Variants in NAV2 observed in about 807,000 individuals in gnomAD.
NAV2 encodes helicase, APC down-regulated 1.
NAV2 carries 54 observed loss-of-function variants against 223.2 expected under a neutral mutation model. The ratio of observed to expected loss-of-function variants is 0.24; its 90% CI spans 0.19 to 0.30. The LOEUF is 0.30. NAV2 is among the 10% of genes least tolerant of loss of function. NAV2 has a pLI of 1.00. For synonymous variants in NAV2, 1,279 were observed against 1,239.3 expected (o/e 1.03, Z -0.67); for missense variants, 2,806 against 3,147.5 (o/e 0.89, Z 2.60).
rs1342355979 is a variant in NAV2, at chr11:19,621,983, AT to A, written c.76-210500del. Among the ~76,000 whole-genome samples the A allele has an allele frequency of 5.9e-5, 9 of 152,338 alleles. No homozygotes were observed. The East Asian group carries it at 1.7e-3, about 29-fold the overall frequency. On this transcript the variant is annotated intron_variant, in intron 1 of 37. Coordinates refer to the NAV2 transcript ENST00000360655. The stretch of plus-strand genomic sequence containing the variant: ...TTTGTTCTCATTGGTTTCAAAGAAC[AT>A]CTTTATCTCTGCCTTCATTTCGTTA...
At chr11:19,479,079 G>A (rs1195159132) in intron 1 of NAV2, among the ~76,000 whole-genome samples, 2 of 152,252 alleles carry the variant, frequency 1.3e-5, no homozygotes, top group South Asian at 2.1e-4. Flanking sequence ...CTGGAGGGTC[G>A]CTGTGAGTTG....
chr11:19,738,846 C>A (rs894456751), intron 1 of NAV2, among the ~76,000 whole-genome samples: 1 of 152,152 alleles, frequency 6.6e-6, no homozygotes, highest in Admixed American at 6.5e-5. Flanking sequence ...GAGCTCAGAA[C>A]CTCCCTTGGA....
At chr11:19,603,352 G>A (rs1351293399) in intron 1 of NAV2, among the ~76,000 whole-genome samples, 1 of 152,140 alleles carries the variant, frequency 6.6e-6, no homozygotes, top group Admixed American at 6.5e-5. Context: ...AGAGGGCCAG[G>A]CACAGTGGCT....
chr11:20,080,686 A>G (rs1351964048), intron 25 of NAV2, among the ~76,000 whole-genome samples: 1 of 152,206 alleles, frequency 6.6e-6, no homozygotes, highest in Non-Finnish European at 1.5e-5. Context: ...CTTTTTGACC[A>G]TGTCCTATAA....
chr11:19,361,388 G>A (rs1371533023), intron 1 of NAV2, among the ~76,000 whole-genome samples: 1 of 152,064 alleles, frequency 6.6e-6, no homozygotes, highest in African/African-American at 2.4e-5. Context: ...AGGCATGACT[G>A]GGTGTCACAT....
chr11:19,789,904 C>G (rs189739173), intron 1 of NAV2, among the ~76,000 whole-genome samples: 225 of 152,320 alleles, frequency 1.5e-3, no homozygotes, highest in African/African-American at 5.1e-3. Flanking sequence ...AAAGTCCCGA[C>G]TTCTTCTCTG....
chr11:19,452,535 G>A (rs895887057), intron 1 of NAV2, among the ~76,000 whole-genome samples: 4 of 152,066 alleles, frequency 2.6e-5, no homozygotes, highest in Admixed American at 6.5e-5. Flanking sequence ...TTGATTTACC[G>A]TTGGGTTACA....
At chr11:19,955,998 C>G (rs940225248) in intron 10 of NAV2, among the ~76,000 whole-genome samples, 3 of 152,278 alleles carry the variant, frequency 2.0e-5, no homozygotes, top group Non-Finnish European at 4.4e-5. Flanking sequence ...ATTCTCGTTT[C>G]TCTAGGCCGA....
intron 1 of NAV2, among the ~76,000 whole-genome samples, chr11:19,408,162 C>T (rs560311320): frequency 6.6e-6 from 1 of 152,280 alleles, no homozygotes; most frequent in Non-Finnish European, 1.5e-5. Flanking sequence ...ATGCAGACAC[C>T]TGCACGTGGG....
intron 1 of NAV2, among the ~76,000 whole-genome samples, chr11:19,559,562 G>T (rs1266810531): frequency 2.0e-5 from 3 of 152,226 alleles, no homozygotes; most frequent in Admixed American, 2.0e-4. Context: ...TGTGTCTACT[G>T]CTGGTAGAAT....
At chr11:19,744,430 C>G (rs1011821920) in intron 1 of NAV2, among the ~76,000 whole-genome samples, 5 of 152,102 alleles carry the variant, frequency 3.3e-5, no homozygotes, top group African/African-American at 7.2e-5. Context: ...CATGTGGGGC[C>G]CATTTAGAGA....
intron 1 of NAV2, among the ~76,000 whole-genome samples, chr11:19,461,634 T>C (rs1590247376): frequency 6.6e-6 from 1 of 152,344 alleles, no homozygotes; most frequent in Non-Finnish European, 1.5e-5. Flanking sequence ...ACCGTTTAGA[T>C]CATGTTTCTT....
intron 23 of NAV2, 46 bp from the exon 24 acceptor site, chr11:20,077,947 G>A (rs1188243451): frequency 1.3e-6 from 2 of 1,485,812 alleles, no homozygotes; most frequent in Admixed American, 3.4e-5. Context: ...GTTGAACTCT[G>A]TACAGAATGA....
chr11:19,505,268 G>T lies in NAV2; in HGVS notation c.75+154241G>T, dbSNP rs546386315. The stretch of plus-strand genomic sequence containing the variant: ...GACTGCCATTAGGACATTCTCTGTA[G>T]CTCCTGCCTCTGTTTCTCTCTGCAT... On this transcript the variant is annotated intron_variant, in intron 1 of 37. Coordinates refer to the NAV2 transcript ENST00000360655. 2.6e-5 allele frequency: 4 copies of T among 152,330 alleles called. No homozygotes were observed. In the South Asian group the frequency reaches 8.3e-4, roughly 32 times the overall value. The allele number at this position is 152,330 out of a possible 1,614,324, so 9.4% of individuals were successfully genotyped here. A position where few individuals can be genotyped will look rare whatever the true frequency, so the allele number is the denominator to read the frequency against.
At chr11:19,644,024 T>C (rs1450147239) in intron 1 of NAV2, among the ~76,000 whole-genome samples, 18 of 152,152 alleles carry the variant, frequency 1.2e-4, no homozygotes, top group Admixed American at 1.2e-3. Flanking sequence ...AGTAAGTAGG[T>C]ACCCCTGTGC....
chr11:20,113,616 A>G (rs527333029), intron 36 of NAV2, among the ~76,000 whole-genome samples: 2 of 152,318 alleles, frequency 1.3e-5, no homozygotes, highest in African/African-American at 2.4e-5. Context: ...TTCACTGCCT[A>G]TGTGCAACCT....
At chr11:19,944,996 TTTCCATTTTCC>T (rs1381778923) in intron 8 of NAV2, among the ~76,000 whole-genome samples, 1 of 106,036 alleles carries the variant, frequency 9.4e-6, no homozygotes, top group Non-Finnish European at 2.2e-5. Context: ...TCCCTTTCCA[TTTCCATTTTCC>T]TTTCCTTTCC....
chr11:19,651,749 A>T (rs1344740895), intron 1 of NAV2, among the ~76,000 whole-genome samples: 1 of 152,248 alleles, frequency 6.6e-6, no homozygotes, highest in East Asian at 1.9e-4. Context: ...TTGAATTATT[A>T]CCAATCCTGA....
intron 11 of NAV2, among the ~76,000 whole-genome samples, chr11:20,011,003 T>C (rs2053519981): frequency 6.6e-6 from 1 of 152,200 alleles, no homozygotes; most frequent in Admixed American, 6.5e-5. Flanking sequence ...GAAATCAGGC[T>C]TTCCCATCTC....
Sources: allele counts gnomAD v4.1 joint callset (sites outside exome capture counted in the v4.1 genomes callset), GRCh38; gene constraint gnomAD v4.1.1; transcripts MANE v1.5; gene names NCBI Gene and HGNC (gene_info 2026-07-23, HGNC 2026-07-21).